Variants in THSD7A observed in about 807,000 individuals in gnomAD.
THSD7A encodes the protein thrombospondin type-1 domain-containing protein 7A.
In THSD7A, 96 loss-of-function variants were observed where a neutral mutation model predicts 231.3. The observed-to-expected ratio is 0.41, with a 90% CI of 0.35 to 0.49. The LOEUF is 0.49. THSD7A is among the 20% of genes least tolerant of loss of function. THSD7A has a pLI of 0.05. For synonymous variants in THSD7A, 940 were observed against 743.3 expected (o/e 1.26, Z -4.30); for missense variants, 2,290 against 2,070.2 (o/e 1.11, Z -2.06).
At chr7:11,507,078 G>A (rs1787576632) in intron 6 of THSD7A, among the ~76,000 whole-genome samples, 1 of 152,068 alleles carries the variant, frequency 6.6e-6, no homozygotes. Flanking sequence ...AATGTTTTCT[G>A]AGTAAATAAG....
At position 11,459,665 on chromosome 7, in the gene THSD7A, ATTTTTTTTTTTTTTTTT is replaced by A. The variant is rs34415355; in HGVS notation, c.2605+980_2605+996del. Among the ~76,000 whole-genome samples, 33 of 39,918 alleles carry A rather than the reference ATTTTTTTTTTTTTTTTT, an allele frequency of 8.3e-4. 2 individuals carry two copies. In the South Asian group the frequency reaches 0.024, roughly 29 times the overall value. 26.2% of individuals were successfully genotyped at this position (39,918 alleles called of 152,430 possible). A position where few individuals can be genotyped will look rare whatever the true frequency, so the allele number is the denominator to read the frequency against. On this transcript the variant is annotated intron_variant, in intron 11 of 27. Coordinates refer to ENST00000423059, the MANE Select transcript of THSD7A (RefSeq NM_015204.3). Reference sequence around the variant, plus strand: ...AAAAGGAAGATTATAAAAACAGGGGATTTTTTTTTTTTTTTTTTTTTTTTTTTTTTTTTTTTACAAAA... The same window carrying A: ...AAAAGGAAGATTATAAAAACAGGGGATTTTTTTTTTTTTTTTTTTACAAAA...
chr7:11,743,973 A>C (rs1357511764), intron 1 of THSD7A, among the ~76,000 whole-genome samples: 3 of 151,872 alleles, frequency 2.0e-5, no homozygotes, highest in African/African-American at 4.8e-5. Flanking sequence ...CATCACTTCA[A>C]ATATAGACCA....
intron 1 of THSD7A, among the ~76,000 whole-genome samples, chr7:11,724,499 C>A (rs1262190567): frequency 4.0e-5 from 6 of 151,688 alleles, no homozygotes; most frequent in Admixed American, 6.6e-5. Context: ...AAGACCTAGG[C>A]AAAAATTTAA....
intron 1 of THSD7A, among the ~76,000 whole-genome samples, chr7:11,658,956 A>G: frequency 6.6e-6 from 1 of 151,772 alleles, no homozygotes; most frequent in Non-Finnish European, 1.5e-5. Context: ...GGAGGGAATT[A>G]TCAACTGTGG....
intron 1 of THSD7A, among the ~76,000 whole-genome samples, chr7:11,722,895 C>T (rs1169785477): frequency 6.6e-6 from 1 of 151,964 alleles, no homozygotes; most frequent in Non-Finnish European, 1.5e-5. Context: ...TAAACTAATT[C>T]AACCATTGTG....
chr7:11,651,069 A>G (rs1782482099), intron 1 of THSD7A, among the ~76,000 whole-genome samples: 1 of 152,052 alleles, frequency 6.6e-6, no homozygotes, highest in African/African-American at 2.4e-5. Context: ...TAATAATAAT[A>G]GACAAAAATG....
intron 6 of THSD7A, among the ~76,000 whole-genome samples, chr7:11,489,902 T>C (rs73068790): frequency 6.6e-6 from 1 of 151,944 alleles, no homozygotes; most frequent in African/African-American, 2.4e-5. Context: ...CCCCCACATA[T>C]ATATTTACCT....
chr7:11,820,754 T>G, intron 1 of THSD7A: 1 of 1,211,872 alleles, frequency 8.3e-7, no homozygotes, highest in East Asian at 2.3e-5. Context: ...CTCTTCTGCT[T>G]TGTAGGAGTG....
intron 1 of THSD7A, among the ~76,000 whole-genome samples, chr7:11,647,011 C>T (rs533593708): frequency 3.3e-5 from 5 of 152,104 alleles, no homozygotes; most frequent in South Asian, 4.1e-4. Context: ...TTATGAAATG[C>T]GTCTCAGAAA....
At chr7:11,545,689 C>A (rs1275539791) in intron 4 of THSD7A, among the ~76,000 whole-genome samples, 1 of 152,170 alleles carries the variant, frequency 6.6e-6, no homozygotes, top group African/African-American at 2.4e-5. Context: ...CCATGGACCC[C>A]AGAATCCTAG....
chr7:11,566,312 GGA>G (rs1193047431), intron 4 of THSD7A, among the ~76,000 whole-genome samples: 2 of 152,202 alleles, frequency 1.3e-5, no homozygotes, highest in African/African-American at 4.8e-5. Flanking sequence ...GAGAGAGGTA[GGA>G]GAGACAGAAA....
intron 1 of THSD7A, among the ~76,000 whole-genome samples, chr7:11,769,808 C>T (rs1294427605): frequency 6.6e-6 from 1 of 152,002 alleles, no homozygotes. Context: ...TTCAGTGAGT[C>T]CTCTTCTTAA....
chr7:11,558,551 TA>T (rs1178004098), intron 4 of THSD7A, among the ~76,000 whole-genome samples: 1 of 152,036 alleles, frequency 6.6e-6, no homozygotes, highest in East Asian at 1.9e-4. Flanking sequence ...GATCTTTAAT[TA>T]TTAGGGGCAA....
At chr7:11,708,008 A>AT (rs1352478467) in intron 1 of THSD7A, among the ~76,000 whole-genome samples, 2 of 150,816 alleles carry the variant, frequency 1.3e-5, no homozygotes, top group African/African-American at 4.8e-5. Flanking sequence ...GTCAAACCAA[A>AT]TATTCCTTGC....
In THSD7A at chr7:11,424,082, ATGTC is replaced by A. The variant is rs199671778; in HGVS notation, c.3383+610_3383+613del. Among the ~76,000 whole-genome samples, 1,016 of 152,288 alleles carry A rather than the reference ATGTC, an allele frequency of 6.7e-3. 12 individuals carry two copies. The highest frequency in any genetic ancestry group is 0.022 in the African/African-American group (913 of 41,538). ...TTTCTGCCATTACAAAAAATACTGTATGTCTGCGCTCTCCAACAGATAGCTGCCA... is the reference window on the plus strand; with the variant it reads ...TTTCTGCCATTACAAAAAATACTGTATGCGCTCTCCAACAGATAGCTGCCA... On this transcript the variant is annotated intron_variant, in intron 16 of 27. Transcript: ENST00000423059.
intron 1 of THSD7A, among the ~76,000 whole-genome samples, chr7:11,713,558 A>C (rs1289841407): frequency 6.6e-6 from 1 of 151,242 alleles, no homozygotes; most frequent in Non-Finnish European, 1.5e-5. Context: ...TGTCCTATTC[A>C]GAGTAAAAGT....
chr7:11,828,720 C>CATAG (rs3037777), intron 1 of THSD7A, among the ~76,000 whole-genome samples: 39,789 of 151,410 alleles, frequency 0.26, 6,584 homozygotes, highest in South Asian at 0.38. Context: ...TAATAAAGCA[C>CATAG]ATAGATAGAT....
intron 1 of THSD7A, among the ~76,000 whole-genome samples, chr7:11,703,100 AAGGTC>A (rs1421579518): frequency 6.6e-6 from 1 of 151,252 alleles, no homozygotes; most frequent in Non-Finnish European, 1.5e-5. Context: ...TTCTCTAGGC[AAGGTC>A]AAGTTCTCTA....
rs1197562888 is a variant in THSD7A, at chr7:11,632,151, CTTTA to C, written c.1022+3975_1022+3978del. On this transcript the variant is annotated intron_variant, in intron 2 of 27. Transcript: ENST00000423059. This position sits in a 1 kb window ranked among gnomAD's most constrained non-coding sequence, Gnocchi z 4.1. ...CTTGTGAAGTTAGCCTTTCCTCTCTCTTTATTTTTCAGTATTTTCCTGTCTAATA... is the reference window on the plus strand; with the variant it reads ...CTTGTGAAGTTAGCCTTTCCTCTCTCTTTTTCAGTATTTTCCTGTCTAATA... Among the ~76,000 whole-genome samples, 1 of 152,056 alleles carries C rather than the reference CTTTA, an allele frequency of 6.6e-6. No homozygotes were observed. The highest frequency in any genetic ancestry group is 1.5e-5 in the Non-Finnish European group (1 of 68,006).
Sources: gnomAD v4.1 joint callset for allele counts (sites outside exome capture counted in the v4.1 genomes callset) on GRCh38, gnomAD v4.1.1 for gene constraint, Gnocchi (gnomAD v3.1) non-coding constraint, MANE v1.5 for transcripts, NCBI Gene and HGNC (gene_info 2026-07-23, HGNC 2026-07-21) for gene names.